The following AP3S2 variants were observed in gnomAD, a reference collection of about 807,000 sequenced individuals.
AP3S2 encodes the protein adaptor related protein complex 3 subunit sigma 2.
AP3S2 carries 22 observed loss-of-function variants against 23.4 expected under a neutral mutation model. The observed-to-expected ratio is 0.94, with a 90% CI of 0.67 to 1.34. The LOEUF is 1.34. AP3S2 is among the 40% of genes most tolerant of loss of function. The probability of loss-of-function intolerance (pLI) is 0.00; values close to 1 mark genes in which losing one functional copy is unlikely to be tolerated. For synonymous variants in AP3S2, 86 were observed against 87.1 expected (o/e 0.99, Z 0.07); for missense variants, 241 against 236.9 (o/e 1.02, Z -0.11).
intron 4 of AP3S2, among the ~76,000 whole-genome samples, chr15:89,842,939 G>C (rs868302058): frequency 6.6e-6 from 1 of 151,764 alleles, no homozygotes; most frequent in African/African-American, 2.4e-5. Flanking sequence ...CCAGTCAACT[G>C]TCCAGCAAGG....
chr15:89,867,169 C>T (rs200423937), intron 4 of AP3S2, among the ~76,000 whole-genome samples: 66,202 of 146,116 alleles, frequency 0.45, 14,799 homozygotes, highest in East Asian at 0.59. Flanking sequence ...ATTGCAGGCA[C>T]GCGCCGCCAC....
Position 89,835,548 on chromosome 15 carries a change from G to C in AP3S2, c.549C>G (p.Asn183Lys). 6.2e-7 allele frequency: 1 copy of C among 1,614,072 alleles called. No individual in the cohort carries two copies. Among genetic ancestry groups the C allele is most frequent in the Non-Finnish European group, 8.5e-7 (1 of 1,180,034 alleles). Residue 183 changes from asparagine (N) to lysine (K), a missense_variant, in exon 6 of 6, where the codon AAC becomes AAG. Physicochemically the swap from Asn to Lys is moderately conservative, Grantham distance 94. Coordinates refer to ENST00000336418, the MANE Select transcript of AP3S2 (RefSeq NM_005829.5). ...IPRNINIGDL[N>K]IKVPNLSQFV The stretch of plus-strand genomic sequence containing the variant: ...ACTGGGACAGGTTGGGAACTTTGAT[G>C]TTGAGATCGCCAATGTTGATGTTCC...
At chr15:89,893,196 T>C (rs988490649) in intron 1 of AP3S2, 1 of 152,310 alleles carries the variant, frequency 6.6e-6, no homozygotes, top group Non-Finnish European at 1.5e-5. Flanking sequence ...CCCCCAATTA[T>C]GTAACATTTT....
At chr15:89,856,543 A>G (rs966024659) in intron 4 of AP3S2, among the ~76,000 whole-genome samples, 3 of 152,102 alleles carry the variant, frequency 2.0e-5, no homozygotes, top group African/African-American at 7.2e-5. Flanking sequence ...TACTAAAAAA[A>G]TACAAAAAAT....
At position 89,835,663 on chromosome 15, in the gene AP3S2, G is replaced by A. The variant is rs188914042; in HGVS notation, c.454-20C>T. 1.6e-4 allele frequency: 246 copies of A among 1,584,092 alleles called. No homozygotes were observed. In the African/African-American group the frequency reaches 2.3e-3, roughly 15 times the overall value. On this transcript the variant is annotated intron_variant, in intron 5 of 5. Coordinates refer to ENST00000336418, the MANE Select transcript of AP3S2 (RefSeq NM_005829.5). The stretch of plus-strand genomic sequence containing the variant: ...GCCACCCTAAGAAGAAATGAGAGGC[G>A]AGTATGAGACAAATTCTCACTGTTA...
chr15:89,890,255 G>A (rs1055763842), intron 1 of AP3S2, among the ~76,000 whole-genome samples: 1 of 152,056 alleles, frequency 6.6e-6, no homozygotes, highest in African/African-American at 2.4e-5. Context: ...TCACCATGTT[G>A]GTCAGGCTGG....
intron 4 of AP3S2, among the ~76,000 whole-genome samples, chr15:89,840,583 A>G (rs1210534245): frequency 2.0e-5 from 3 of 152,112 alleles, no homozygotes; most frequent in African/African-American, 7.2e-5. Context: ...ACCCGCCACC[A>G]TGCCCAGCTA....
intron 4 of AP3S2, among the ~76,000 whole-genome samples, chr15:89,860,258 A>C (rs1346231602): frequency 1.3e-5 from 2 of 152,198 alleles, no homozygotes; most frequent in Non-Finnish European, 2.9e-5. Context: ...ATAAAGTCTA[A>C]TTTGTAAATT....
At chr15:89,861,733 C>T (rs754793890) in intron 4 of AP3S2, among the ~76,000 whole-genome samples, 1 of 151,886 alleles carries the variant, frequency 6.6e-6, no homozygotes, top group Admixed American at 6.6e-5. Flanking sequence ...GTAAAAGGTA[C>T]CACACTAGAT....
At chr15:89,875,007 T>C (rs1214768111) in intron 3 of AP3S2, among the ~76,000 whole-genome samples, 1 of 152,140 alleles carries the variant, frequency 6.6e-6, no homozygotes, top group African/African-American at 2.4e-5. Flanking sequence ...CATAAAAATA[T>C]CTAACAGATA....
intron 4 of AP3S2, among the ~76,000 whole-genome samples, chr15:89,844,898 A>G (rs1596189934): frequency 6.6e-6 from 1 of 151,864 alleles, no homozygotes; most frequent in East Asian, 1.9e-4. Flanking sequence ...TACTTTTCAC[A>G]GAGTAATTTT....
intron 4 of AP3S2, among the ~76,000 whole-genome samples, chr15:89,869,858 A>T (rs1377272204): frequency 6.6e-6 from 1 of 151,684 alleles, no homozygotes; most frequent in Non-Finnish European, 1.5e-5. Flanking sequence ...GGTTCAAGCG[A>T]TTCTCCTGAA....
intron 4 of AP3S2, among the ~76,000 whole-genome samples, chr15:89,849,516 A>G (rs996828105): frequency 6.6e-6 from 1 of 151,800 alleles, no homozygotes; most frequent in Non-Finnish European, 1.5e-5. Flanking sequence ...ACAGGCGCCC[A>G]CCACCACGCC....
intron 4 of AP3S2, among the ~76,000 whole-genome samples, chr15:89,855,319 T>C (rs1170492647): frequency 9.3e-6 from 1 of 108,052 alleles, no homozygotes; most frequent in African/African-American, 3.6e-5. Flanking sequence ...AAACAGATGC[T>C]TGAAGGCAGC....
intron 3 of AP3S2, among the ~76,000 whole-genome samples, chr15:89,879,313 A>C (rs889493180): frequency 6.6e-6 from 1 of 152,260 alleles, no homozygotes; most frequent in Non-Finnish European, 1.5e-5. Flanking sequence ...TCCATTTAAA[A>C]AACACATGCC....
At chr15:89,889,207 G>A (rs1896764791) in intron 1 of AP3S2, 67 bp from the exon 2 acceptor site, 2 of 1,556,078 alleles carry the variant, frequency 1.3e-6, no homozygotes, top group East Asian at 2.3e-5. Flanking sequence ...CCATGGGGAT[G>A]GACAAGGGAA....
At position 89,834,027 on chromosome 15, in the gene AP3S2, AC is replaced by A; in HGVS notation, c.*1487del. On this transcript the variant is annotated 3_prime_UTR_variant, in exon 6 of 6. Coordinates refer to ENST00000336418, the MANE Select transcript of AP3S2 (RefSeq NM_005829.5). ...CCACACCTGAGATCTAGCCCATGCG[AC>A]AGTATGGAAGCAGGAGGCCCTACTC... 1 of 152,394 alleles carries A rather than the reference AC, an allele frequency of 6.6e-6. No individual in the cohort carries two copies. Among genetic ancestry groups the A allele is most frequent in the South Asian group, 2.1e-4 (1 of 4,832 alleles). 9.4% of individuals were successfully genotyped at this position (152,394 alleles called of 1,614,324 possible). A position where few individuals can be genotyped will look rare whatever the true frequency, so the allele number is the denominator to read the frequency against.
At chr15:89,839,601 G>T (rs182709214) in intron 4 of AP3S2, among the ~76,000 whole-genome samples, 1 of 152,102 alleles carries the variant, frequency 6.6e-6, no homozygotes, top group Non-Finnish European at 1.5e-5. Flanking sequence ...AAACAGTATG[G>T]TGGTTCCTCA....
chr15:89,863,332 TAC>T (rs1896047495), intron 4 of AP3S2, among the ~76,000 whole-genome samples: 1 of 152,140 alleles, frequency 6.6e-6, no homozygotes, highest in Non-Finnish European at 1.5e-5. Context: ...GAAATGGAAC[TAC>T]AGTTAGTGGG....
Sources: gnomAD v4.1 joint callset for allele counts (sites outside exome capture counted in the v4.1 genomes callset) on GRCh38, gnomAD v4.1.1 for gene constraint, MANE v1.5 for transcripts, NCBI Gene and HGNC (gene_info 2026-07-23, HGNC 2026-07-21) for gene names.